The following SH3D19 variants were observed in gnomAD, a reference collection of about 807,000 sequenced individuals.
SH3D19 encodes the protein SH3 domain containing 19, also known as SH3 domain-containing protein 19.
SH3D19 carries 58 observed loss-of-function variants against 112.1 expected under a neutral mutation model. The ratio of observed to expected loss-of-function variants is 0.52; its 90% CI spans 0.42 to 0.64. The LOEUF is 0.64. Ranked by LOEUF, SH3D19 falls within the 30% of genes least tolerant of loss-of-function variation. The pLI is 0.00. For missense variants in SH3D19, 1,090 were observed against 1,263.4 expected (o/e 0.86, Z 2.08); for synonymous variants, 391 against 448.5 (o/e 0.87, Z 1.62).
intron 2 of SH3D19, among the ~76,000 whole-genome samples, chr4:151,197,069 C>T (rs971580484): frequency 6.6e-6 from 1 of 152,148 alleles, no homozygotes; most frequent in Admixed American, 6.5e-5. Flanking sequence ...AGTACAGCCA[C>T]TATGGAAAAC....
At position 151,286,184 on chromosome 4, in the gene SH3D19, G is replaced by GAAAAAAA. The variant is rs56850648; in HGVS notation, c.112+39050_112+39056dup. ...TGACACAGTGAGACCCTGTCTTAAA[G>GAAAAAAA]AAAAAAAAAAAAAAAAAAAACAACT... On this transcript the variant is annotated intron_variant, in intron 1 of 19. Transcript: ENST00000604030. 3.4e-3 allele frequency among the ~76,000 whole-genome samples: 297 copies of GAAAAAAA among 86,594 alleles called. 1 individual carries two copies. The highest frequency in any genetic ancestry group is 4.5e-3 in the Non-Finnish European group (220 of 48,828). The allele number at this position is 86,594 out of a possible 152,430, so 56.8% of individuals were successfully genotyped here.
intron 2 of SH3D19, among the ~76,000 whole-genome samples, chr4:151,220,415 C>T (rs896791783): frequency 4.6e-5 from 7 of 151,986 alleles, no homozygotes; most frequent in Middle Eastern, 3.2e-3. Flanking sequence ...TTTGTTTTGC[C>T]GCCTTCTTTT....
At chr4:151,304,601 C>T (rs1728760081) in intron 1 of SH3D19, among the ~76,000 whole-genome samples, 1 of 152,214 alleles carries the variant, frequency 6.6e-6, no homozygotes, top group African/African-American at 2.4e-5. Context: ...TTGCTGAAAA[C>T]ACTGACAAGC....
At chr4:151,201,891 A>G (rs896511549) in intron 2 of SH3D19, among the ~76,000 whole-genome samples, 1 of 151,922 alleles carries the variant, frequency 6.6e-6, no homozygotes, top group Non-Finnish European at 1.5e-5. Context: ...GGCTACCTGT[A>G]ATCTCAGATA....
In SH3D19 at chr4:151,175,399, G is replaced by A; in HGVS notation, c.805C>T (p.Leu269=). The change falls in exon 7 of 20, where the codon CTG becomes TTG. Residue 269 remains leucine, a synonymous_variant. Transcript: ENST00000604030. ...CTGTCTGAGGTGCTAGCGTTGTCCA[G>A]CAGAGACTGGGGCCGGCCTGGGGAT... The part of the protein sequence containing the change: ...ESSPGRPQSL[L]DNASTSDSQA... 2 of 1,560,928 alleles carry A rather than the reference G, an allele frequency of 1.3e-6. No individual in the cohort carries two copies. Among genetic ancestry groups the A allele is most frequent in the Non-Finnish European group, 1.7e-6 (2 of 1,155,080 alleles).
intron 4 of SH3D19, among the ~76,000 whole-genome samples, chr4:151,178,007 C>A (rs1482120256): frequency 6.6e-6 from 1 of 152,194 alleles, no homozygotes; most frequent in African/African-American, 2.4e-5. Context: ...TAGCTCACTG[C>A]AGCCTCGAGC....
At chr4:151,217,667 T>G (rs1360450255) in intron 2 of SH3D19, among the ~76,000 whole-genome samples, 1 of 152,064 alleles carries the variant, frequency 6.6e-6, no homozygotes, top group Non-Finnish European at 1.5e-5. Flanking sequence ...AAAAAAAATC[T>G]ATCTTGGAAG....
intron 1 of SH3D19, among the ~76,000 whole-genome samples, chr4:151,258,090 C>T (rs1772079495): frequency 1.3e-5 from 2 of 152,142 alleles, no homozygotes; most frequent in Non-Finnish European, 2.9e-5. Flanking sequence ...GTAAAAACCT[C>T]CTGAGTTACT....
intron 2 of SH3D19, among the ~76,000 whole-genome samples, chr4:151,201,191 C>T (rs1764342749): frequency 6.6e-6 from 1 of 152,170 alleles, no homozygotes; most frequent in Admixed American, 6.5e-5. Flanking sequence ...AACCACCAGC[C>T]AATCAATCAC....
At chr4:151,161,006 G>A (rs1452093642) in intron 8 of SH3D19, among the ~76,000 whole-genome samples, 4 of 152,102 alleles carry the variant, frequency 2.6e-5, no homozygotes, top group Non-Finnish European at 4.4e-5. Flanking sequence ...TAATACTGTC[G>A]TGACAAATAT....
intron 19 of SH3D19, 59 bp downstream of exon 19, chr4:151,127,559 G>T: frequency 9.6e-7 from 1 of 1,042,174 alleles, no homozygotes; most frequent in Non-Finnish European, 1.4e-6. Flanking sequence ...ATCCTTCAAT[G>T]GAAAACATTT....
chr4:151,245,153 A>G (rs914016375), intron 1 of SH3D19, among the ~76,000 whole-genome samples: 1 of 150,664 alleles, frequency 6.6e-6, no homozygotes, highest in African/African-American at 2.5e-5. Context: ...CAAAAAAATA[A>G]AATAAAATAA....
At chr4:151,314,289 A>G (rs1729780049) in intron 1 of SH3D19, among the ~76,000 whole-genome samples, 1 of 152,224 alleles carries the variant, frequency 6.6e-6, no homozygotes, top group Admixed American at 6.5e-5. Context: ...TAACAAAACC[A>G]GAAAACTATA....
chr4:151,298,653 T>C (rs1291010724), intron 1 of SH3D19, among the ~76,000 whole-genome samples: 1 of 151,992 alleles, frequency 6.6e-6, no homozygotes, highest in Non-Finnish European at 1.5e-5. Flanking sequence ...GCACAATCTG[T>C]TTGAATCATG....
chr4:151,143,799 C>T (rs1753437968), intron 12 of SH3D19, 111 bp downstream of exon 12: 2 of 1,240,910 alleles, frequency 1.6e-6, no homozygotes, highest in Non-Finnish European at 2.2e-6. Flanking sequence ...AATTTTTACT[C>T]TGGTTAAAAT....
At chr4:151,189,477 G>A (rs1231320528) in intron 2 of SH3D19, among the ~76,000 whole-genome samples, 3 of 152,092 alleles carry the variant, frequency 2.0e-5, no homozygotes, top group Non-Finnish European at 4.4e-5. Flanking sequence ...AAATTTCATC[G>A]TGAATTGTAA....
At chr4:151,152,728 A>G (rs746340138) in intron 9 of SH3D19, among the ~76,000 whole-genome samples, 4 of 151,428 alleles carry the variant, frequency 2.6e-5, no homozygotes. Context: ...CATGTTGGCC[A>G]TGCTGTTCTG....
chr4:151,295,776 G>A lies in SH3D19; in HGVS notation c.112+29465C>T, dbSNP rs561756035. 4.6e-5 allele frequency among the ~76,000 whole-genome samples: 7 copies of A among 152,302 alleles called. No individual in the cohort carries two copies. In the South Asian group the frequency reaches 8.3e-4, roughly 18 times the overall value. On this transcript the variant is annotated intron_variant, in intron 1 of 19. Transcript: ENST00000604030. The stretch of plus-strand genomic sequence containing the variant: ...TTTTAGGCCGGGTGCAGTGGCTTAC[G>A]CCTATAATCCCAGCACTTTGGGAGG...
intron 2 of SH3D19, among the ~76,000 whole-genome samples, chr4:151,192,424 G>A (rs1653172425): frequency 6.6e-6 from 1 of 152,146 alleles, no homozygotes; most frequent in Admixed American, 6.5e-5. Context: ...ACGTATCAGA[G>A]TCTCAAGATA....
Sources: gnomAD v4.1 joint callset for allele counts (sites outside exome capture counted in the v4.1 genomes callset) on GRCh38, gnomAD v4.1.1 for gene constraint, MANE v1.5 for transcripts, NCBI Gene and HGNC (gene_info 2026-07-23, HGNC 2026-07-21) for gene names.